Variants in AUTS2 observed in about 807,000 individuals in gnomAD.
The protein encoded by AUTS2 is activator of transcription and developmental regulator AUTS2.
AUTS2 carries 17 observed loss-of-function variants against 112.4 expected under a neutral mutation model. The ratio of observed to expected loss-of-function variants is 0.15; its 90% confidence interval spans 0.10 to 0.23. The LOEUF is 0.23. AUTS2 is among the 10% of genes least tolerant of loss of function. The pLI, the probability that AUTS2 is intolerant of heterozygous loss-of-function variation, is 1.00. For synonymous variants in AUTS2, 751 were observed against 702.7 expected (o/e 1.07, Z -1.09); for missense variants, 1,510 against 1,701.6 (o/e 0.89, Z 1.98).
chr7:69,715,762 T>G (rs1424450696), intron 1 of AUTS2, among the ~76,000 whole-genome samples: 1 of 152,248 alleles, frequency 6.6e-6, no homozygotes, highest in Non-Finnish European at 1.5e-5. Context: ...AGATGATGAT[T>G]GCTTTCATAA....
chr7:70,459,066 G>A (rs1032464417), intron 5 of AUTS2, among the ~76,000 whole-genome samples: 2 of 152,182 alleles, frequency 1.3e-5, no homozygotes, highest in East Asian at 1.9e-4. Flanking sequence ...TGGTTTCCCC[G>A]GGAGAGAGAA....
chr7:69,614,318 T>C (rs974208556), intron 1 of AUTS2, among the ~76,000 whole-genome samples: 1 of 50,976 alleles, frequency 2.0e-5, no homozygotes, highest in African/African-American at 6.3e-5. Flanking sequence ...CTCCGTCTCT[T>C]TCTTTCTTTC....
intron 6 of AUTS2, among the ~76,000 whole-genome samples, chr7:70,702,428 T>C (rs1212241522): frequency 6.6e-6 from 1 of 152,214 alleles, no homozygotes; most frequent in African/African-American, 2.4e-5. Context: ...AACTCATAGA[T>C]AGACGGTGAG....
chr7:70,058,101 A>G (rs1802074481), intron 2 of AUTS2, among the ~76,000 whole-genome samples: 1 of 152,212 alleles, frequency 6.6e-6, no homozygotes, highest in South Asian at 2.1e-4. Context: ...ATTTTGGACT[A>G]ATTCCCAGAT....
At chr7:70,176,906 A>G (rs1252472616) in intron 4 of AUTS2, among the ~76,000 whole-genome samples, 2 of 152,288 alleles carry the variant, frequency 1.3e-5, no homozygotes, top group East Asian at 3.9e-4. Context: ...GTGTTTTAAT[A>G]AGTAAATTTC....
intron 6 of AUTS2, among the ~76,000 whole-genome samples, chr7:70,715,010 G>C (rs1810277465): frequency 6.6e-6 from 1 of 152,214 alleles, no homozygotes; most frequent in Non-Finnish European, 1.5e-5. Flanking sequence ...TAATTCATTA[G>C]AGATGGCAGA....
At chr7:70,559,175 T>C (rs1192534998) in intron 5 of AUTS2, among the ~76,000 whole-genome samples, 1 of 152,158 alleles carries the variant, frequency 6.6e-6, no homozygotes, top group Admixed American at 6.5e-5. Flanking sequence ...TCTTCCCTCA[T>C]CTTCTACCAT....
At chr7:70,315,019 G>A (rs1789930288) in intron 4 of AUTS2, among the ~76,000 whole-genome samples, 1 of 152,186 alleles carries the variant, frequency 6.6e-6, no homozygotes. Flanking sequence ...TATGCTTGCT[G>A]TCACCCTTCA....
At chr7:70,620,389 G>A (rs138952837) in intron 5 of AUTS2, among the ~76,000 whole-genome samples, 9 of 152,278 alleles carry the variant, frequency 5.9e-5, no homozygotes, top group African/African-American at 2.2e-4. Context: ...GCCGTACCCT[G>A]GTTTACCTGT....
rs539665672 is a variant in AUTS2 at position 70,378,072 on chromosome 7, G to A, written c.661-57680G>A. Among the ~76,000 whole-genome samples, 17 of 152,094 alleles carry A rather than the reference G, an allele frequency of 1.1e-4. No homozygotes were observed. In the East Asian group the frequency reaches 1.4e-3, roughly 12 times the overall value. ...ATTACAGGCGTGAGCCACCGCGCCC[G>A]GCCAGCATAATGTCTTTAAAGTTCA... On this transcript the variant is annotated intron_variant, in intron 4 of 18. Transcript: ENST00000342771.
At chr7:69,878,080 G>A (rs986732805) in intron 1 of AUTS2, among the ~76,000 whole-genome samples, 8 of 152,180 alleles carry the variant, frequency 5.3e-5, no homozygotes, top group African/African-American at 1.9e-4. Flanking sequence ...AAGAGAGAAT[G>A]TGAGGGAGAC....
chr7:70,377,329 T>TAA (rs1160869085), intron 4 of AUTS2, among the ~76,000 whole-genome samples: 4 of 21,168 alleles, frequency 1.9e-4, no homozygotes, highest in African/African-American at 6.1e-4. Flanking sequence ...AATATAAATA[T>TAA]ATATATATAT....
At chr7:69,907,883 T>C (rs1296228629) in intron 2 of AUTS2, among the ~76,000 whole-genome samples, 1 of 152,188 alleles carries the variant, frequency 6.6e-6, no homozygotes, top group Non-Finnish European at 1.5e-5. Flanking sequence ...AGCTGCAGGA[T>C]TGTGATTTGT....
intron 1 of AUTS2, among the ~76,000 whole-genome samples, chr7:69,765,399 G>A (rs189159094): frequency 2.0e-4 from 31 of 152,216 alleles, no homozygotes; most frequent in Admixed American, 1.7e-3. Flanking sequence ...AAGCCTTTGA[G>A]GTCAGATGGG....
At chr7:69,909,740 T>C (rs1562962998) in intron 2 of AUTS2, among the ~76,000 whole-genome samples, 1 of 152,170 alleles carries the variant, frequency 6.6e-6, no homozygotes, top group Non-Finnish European at 1.5e-5. Context: ...TTTGTTTAAA[T>C]AGCAAAACCT....
At chr7:69,718,542 T>C (rs951812571) in intron 1 of AUTS2, among the ~76,000 whole-genome samples, 10 of 152,200 alleles carry the variant, frequency 6.6e-5, no homozygotes, top group African/African-American at 2.2e-4. Flanking sequence ...TTGTTTCTCT[T>C]TTCCATAGTT....
At chr7:69,637,069 C>G (rs1009748687) in intron 1 of AUTS2, among the ~76,000 whole-genome samples, 1 of 152,134 alleles carries the variant, frequency 6.6e-6, no homozygotes, top group Non-Finnish European at 1.5e-5. Context: ...CCGGCCTGTC[C>G]TATAACATTT....
Position 70,613,757 on chromosome 7 carries a change from G to A in AUTS2, c.691-84812G>A, listed in dbSNP as rs576356207. On this transcript the variant is annotated intron_variant, in intron 5 of 18. Coordinates refer to ENST00000342771, the MANE Select transcript of AUTS2 (RefSeq NM_015570.4). ...GGAACAAAGCAAGATCCATAGATGC[G>A]AGAAGAGAAATTAATCAGAACATGA... is the stretch of plus-strand genomic sequence containing the variant. Among the ~76,000 whole-genome samples the A allele has an allele frequency of 9.2e-5, 14 of 152,292 alleles. No individual in the cohort carries two copies. In the East Asian group the frequency reaches 9.7e-4, roughly 11 times the overall value.
intron 2 of AUTS2, among the ~76,000 whole-genome samples, chr7:70,062,613 A>G (rs1802305292): frequency 6.6e-6 from 1 of 152,110 alleles, no homozygotes; most frequent in South Asian, 2.1e-4. Context: ...TCATCATTCT[A>G]CCGTGACATT....
Sources: gnomAD v4.1 joint callset for allele counts (sites outside exome capture counted in the v4.1 genomes callset) on GRCh38, gnomAD v4.1.1 for gene constraint, MANE v1.5 for transcripts, NCBI Gene and HGNC (gene_info 2026-07-23, HGNC 2026-07-21) for gene names.